The following RBFOX1 variants were observed in gnomAD, a reference collection of about 807,000 sequenced individuals.
RBFOX1 encodes the protein RNA binding fox-1 homolog 1.
Under a neutral mutation model 57.7 loss-of-function variants are expected in RBFOX1, and 8 were observed. That is an observed-to-expected ratio of 0.14 (90% CI 0.08 to 0.25). The LOEUF (loss-of-function observed/expected upper bound fraction) is 0.25, where lower values mean the gene tolerates loss of function less well. Among genes scored for constraint, RBFOX1 ranks in the 10% least tolerant of loss-of-function variants. RBFOX1 has a pLI of 1.00. For missense variants in RBFOX1, 611 were observed against 548.5 expected (o/e 1.11, Z -1.14); for synonymous variants, 326 against 222.4 (o/e 1.47, Z -4.15).
At chr16:7,559,336 A>T (rs2089710950) in intron 5 of RBFOX1, among the ~76,000 whole-genome samples, 1 of 152,136 alleles carries the variant, frequency 6.6e-6, no homozygotes, top group African/African-American at 2.4e-5. Flanking sequence ...TTTCTCACCT[A>T]GTCTCTCTTT....
intron 3 of RBFOX1, among the ~76,000 whole-genome samples, chr16:5,801,623 A>C (rs74004606): frequency 0.013 from 2,048 of 152,264 alleles, 51 homozygotes; most frequent in African/African-American, 0.047. Context: ...GGCACACACA[A>C]AAAAATACCA....
At chr16:7,667,885 G>A (rs2069925999) in intron 13 of RBFOX1, among the ~76,000 whole-genome samples, 1 of 152,028 alleles carries the variant, frequency 6.6e-6, no homozygotes, top group African/African-American at 2.4e-5. Context: ...TGTTGGCCAG[G>A]GTGGTCTGGA....
intron 3 of RBFOX1, among the ~76,000 whole-genome samples, chr16:7,029,115 CACACACAT>C (rs2041996556): frequency 6.4e-5 from 5 of 78,082 alleles, no homozygotes; most frequent in Non-Finnish European, 1.2e-4. Flanking sequence ...CACACACACA[CACACACAT>C]ATACGTATAT....
chr16:6,020,703 G>C (rs1002846136), intron 1 of RBFOX1, among the ~76,000 whole-genome samples: 3 of 152,126 alleles, frequency 2.0e-5, no homozygotes, highest in East Asian at 1.9e-4. Context: ...CAGGCCAGGG[G>C]GGGGCTTGTC....
intron 3 of RBFOX1, among the ~76,000 whole-genome samples, chr16:6,830,240 G>A (rs1224290860): frequency 2.6e-5 from 4 of 152,142 alleles, no homozygotes; most frequent in Admixed American, 1.3e-4. Flanking sequence ...TAATGTGTGT[G>A]AAGACATCAG....
intron 4 of RBFOX1, among the ~76,000 whole-genome samples, chr16:7,517,838 A>G (rs914591444): frequency 5.9e-5 from 9 of 151,606 alleles, no homozygotes; most frequent in African/African-American, 1.7e-4. Context: ...AAAAAAAAAA[A>G]TCAATCTAGT....
At chr16:6,264,332 G>A (rs988213337) in intron 1 of RBFOX1, among the ~76,000 whole-genome samples, 1 of 152,176 alleles carries the variant, frequency 6.6e-6, no homozygotes, top group African/African-American at 2.4e-5. Flanking sequence ...CTTTCTCCCA[G>A]TGAAGTTGCA....
intron 1 of RBFOX1, among the ~76,000 whole-genome samples, chr16:6,047,242 G>C (rs2095504667): frequency 6.6e-6 from 1 of 152,160 alleles, no homozygotes. Context: ...GTTTCCTCCT[G>C]CCAGCCCATG....
At chr16:5,328,230 A>C (rs1434454486) in intron 1 of RBFOX1, among the ~76,000 whole-genome samples, 1 of 152,152 alleles carries the variant, frequency 6.6e-6, no homozygotes, top group African/African-American at 2.4e-5. Context: ...AATTAAGTTA[A>C]ATAAGGCTTT....
chr16:6,276,897 G>A (rs1269493220), intron 1 of RBFOX1, among the ~76,000 whole-genome samples: 2 of 151,656 alleles, frequency 1.3e-5, no homozygotes, highest in African/African-American at 4.9e-5. Context: ...TTTATTTTGT[G>A]CTTTATATTC....
chr16:6,487,687 AAAAAAAAAAAAAAATATATAT>A (rs2095522135), intron 2 of RBFOX1, among the ~76,000 whole-genome samples: 9 of 19,812 alleles, frequency 4.5e-4, no homozygotes, highest in African/African-American at 9.5e-4. Context: ...AAAAAAAAAA[AAAAAAAAAAAAAAATATATAT>A]ATATATATAT....
intron 3 of RBFOX1, among the ~76,000 whole-genome samples, chr16:7,003,564 C>G (rs530651739): frequency 2.5e-4 from 38 of 151,954 alleles, no homozygotes; most frequent in African/African-American, 9.2e-4. Context: ...TAAAATAAAA[C>G]CAGAGGTTGA....
At chr16:6,388,489 T>A (rs532498980) in intron 2 of RBFOX1, among the ~76,000 whole-genome samples, 2 of 152,310 alleles carry the variant, frequency 1.3e-5, no homozygotes, top group South Asian at 4.1e-4. Context: ...TTATTATTTT[T>A]AATTAATTTG....
intron 7 of RBFOX1, 77 bp from the exon 8 acceptor site, chr16:7,595,472 C>G: frequency 8.8e-7 from 1 of 1,141,336 alleles, no homozygotes; most frequent in Non-Finnish European, 1.2e-6. Context: ...GAAATTAAAG[C>G]GAGAGAACAT....
At chr16:7,043,822 A>C (rs1303502681) in intron 3 of RBFOX1, among the ~76,000 whole-genome samples, 2 of 152,176 alleles carry the variant, frequency 1.3e-5, no homozygotes, top group African/African-American at 4.8e-5. Context: ...GTCATATTCA[A>C]TTACTGCACT....
At chr16:7,624,183 GTAAA>G (rs2059730766) in intron 10 of RBFOX1, among the ~76,000 whole-genome samples, 1 of 152,140 alleles carries the variant, frequency 6.6e-6, no homozygotes, top group South Asian at 2.1e-4. Context: ...CAAATGCAAA[GTAAA>G]TATTCTTTGG....
chr16:5,606,992 G>T (rs1241832359), intron 3 of RBFOX1, among the ~76,000 whole-genome samples: 1 of 152,198 alleles, frequency 6.6e-6, no homozygotes, highest in Non-Finnish European at 1.5e-5. Flanking sequence ...TTTTAAGCTG[G>T]TGATTGTCTG....
intron 4 of RBFOX1, among the ~76,000 whole-genome samples, chr16:7,068,242 G>T (rs1015582214): frequency 1.3e-5 from 2 of 152,138 alleles, no homozygotes; most frequent in East Asian, 3.9e-4. Context: ...CAAGATTGTC[G>T]GTCCAAAATC....
chr16:5,558,422 C>T (rs1352383907), intron 2 of RBFOX1, among the ~76,000 whole-genome samples: 2 of 152,064 alleles, frequency 1.3e-5, no homozygotes, highest in East Asian at 1.9e-4. Flanking sequence ...GTCTGAGCAT[C>T]GAGGAGACTG....
Sources: allele counts gnomAD v4.1 joint callset (sites outside exome capture counted in the v4.1 genomes callset), GRCh38; gene constraint gnomAD v4.1.1; transcripts MANE v1.5; gene names NCBI Gene and HGNC (gene_info 2026-07-23, HGNC 2026-07-21).